LAMB4: variants seen among roughly 807,000 people sequenced by gnomAD.
LAMB4 encodes laminin subunit beta 4.
In LAMB4, 196 loss-of-function variants were observed where a neutral mutation model predicts 199.2. That is an observed-to-expected ratio of 0.98 (90% CI 0.88 to 1.11). The LOEUF is 1.11. Among genes scored for constraint, LAMB4 ranks in the 50% least tolerant of loss-of-function variants. LAMB4 has a pLI of 0.00. For synonymous variants in LAMB4, 744 were observed against 770.6 expected (o/e 0.97, Z 0.57); for missense variants, 2,080 against 2,171.2 (o/e 0.96, Z 0.83).
chr7:108,043,545 G>GTGTTTTTTTTTT (rs2035496985), intron 29 of LAMB4, among the ~76,000 whole-genome samples: 7 of 55,996 alleles, frequency 1.3e-4, no homozygotes, highest in African/African-American at 1.0e-3. Context: ...TGGCTATGAT[G>GTGTTTTTTTTTT]TTTTTTTTTT....
At position 108,123,184 on chromosome 7, in the gene LAMB4, T is replaced by G; in HGVS notation, c.-20A>C. 1 of 1,601,570 alleles carries G rather than the reference T, an allele frequency of 6.2e-7. No individual in the cohort carries two copies. The highest frequency in any genetic ancestry group is 1.1e-5 in the South Asian group (1 of 89,142). On this transcript the variant is annotated 5_prime_UTR_variant, in exon 2 of 34. Coordinates refer to ENST00000388781, the MANE Select transcript of LAMB4 (RefSeq NM_007356.3). ...TTGCATTCTTTTGTCAGGAGATGAT[T>G]AAATTCAATTCTACTGGGTTAAAAA...
the LAMB4 span, among the ~76,000 whole-genome samples, chr7:108,013,179 G>T: frequency 1.3e-5 from 2 of 152,304 alleles, no homozygotes; most frequent in Non-Finnish European, 2.9e-5. Flanking sequence ...AATTGCAAGT[G>T]CCTTGAGAGC....
At chr7:108,107,499 C>T (rs1164348706) in intron 6 of LAMB4, 132 bp downstream of exon 6, 1 of 656,136 alleles carries the variant, frequency 1.5e-6, no homozygotes, top group Non-Finnish European at 2.6e-6. Context: ...TCAGTTTAGA[C>T]ACTTTCATTT....
At position 108,027,177 on chromosome 7, in the gene LAMB4, G is replaced by A. The variant is rs540148381; in HGVS notation, c.5146+1866C>T. Among the ~76,000 whole-genome samples the A allele has an allele frequency of 3.2e-4, 48 of 152,266 alleles. 1 individual carries two copies. Among genetic ancestry groups the A allele is most frequent in the South Asian group, 2.9e-3 (14 of 4,826 alleles). ...TGACTTTCATGGTATTGTCTGACAA[G>A]TGGTCAGAGGATGGGAGGGTGAGCA... On this transcript the variant is annotated intron_variant, in intron 33 of 33. Coordinates refer to ENST00000388781, the MANE Select transcript of LAMB4 (RefSeq NM_007356.3).
Position 108,104,519 on chromosome 7 carries a change from A to G in LAMB4, c.971T>C (p.Leu324Pro), listed in dbSNP as rs760076240. The change falls in exon 9 of 34, where the codon CTC (leucine) becomes CCC (proline). Residue 324 changes from leucine (L) to proline (P), a missense_variant. Transcript: ENST00000388781. Reference protein sequence around the residue: ...QDAPWRPAADLQDNACRSCSC... With the variant: ...QDAPWRPAADPQDNACRSCSC... ...CCCACATCTGCAAGCGTTGTCCTGG[A>G]GGTCTGCAGCTGGCCTCCAAGGAGC... 6.2e-7 allele frequency: 1 copy of G among 1,614,190 alleles called. No homozygotes were observed. Among genetic ancestry groups the G allele is most frequent in the Non-Finnish European group, 8.5e-7 (1 of 1,180,032 alleles).
chr7:108,055,390 T>C (rs1310064400), intron 25 of LAMB4, among the ~76,000 whole-genome samples: 1 of 152,166 alleles, frequency 6.6e-6, no homozygotes, highest in East Asian at 1.9e-4. Flanking sequence ...TTTCTCCATG[T>C]TGGCCAGGCT....
At chr7:108,097,952 A>G (rs1478466471) in intron 11 of LAMB4, among the ~76,000 whole-genome samples, 21 of 152,186 alleles carry the variant, frequency 1.4e-4, no homozygotes, top group Admixed American at 1.4e-3. Flanking sequence ...AACCACAGAG[A>G]AAAGTTCTCC....
intron 28 of LAMB4, among the ~76,000 whole-genome samples, chr7:108,046,229 T>C (rs544275461): frequency 2.4e-3 from 348 of 144,316 alleles, no homozygotes; most frequent in African/African-American, 9.5e-3. Context: ...CCACCACTCC[T>C]GGCTAAATTT....
At chr7:108,123,628 C>T (rs546657023) in intron 1 of LAMB4, among the ~76,000 whole-genome samples, 1 of 152,330 alleles carries the variant, frequency 6.6e-6, no homozygotes, top group East Asian at 1.9e-4. Context: ...GATTGCACCA[C>T]TGCACTCCAG....
rs77198905 is a variant in LAMB4, at chr7:108,056,681, C to G, written c.3380-674G>C. On this transcript the variant is annotated intron_variant, in intron 24 of 33. Transcript: ENST00000388781. ...GCAAGGAACAAGTAATTTAAAAATG[C>G]ATTTGAGGCTGGGTGCAGTGGCTCA... Among the ~76,000 whole-genome samples, 109 of 152,166 alleles carry G rather than the reference C, an allele frequency of 7.2e-4. No homozygotes were observed. In the East Asian group the frequency reaches 0.02, roughly 28 times the overall value.
In LAMB4 at chr7:108,063,881, G is replaced by T. The variant is rs368349951; in HGVS notation, c.2941C>A (p.Pro981Thr). The T allele has an allele frequency of 1.2e-6, 2 of 1,614,176 alleles. No homozygotes were observed. The highest frequency in any genetic ancestry group is 1.7e-6 in the Non-Finnish European group (2 of 1,180,010). Residue 981 changes from proline (P) to threonine (T), a missense_variant, in exon 22 of 34, where the codon CCA becomes ACA. Transcript: ENST00000388781. ...CCTGTTACCCGGCTGCAGGACTCTGGATCGGTTACATCTATGTTGTTGTTG... is the reference window on the plus strand; with the variant it reads ...CCTGTTACCCGGCTGCAGGACTCTGTATCGGTTACATCTATGTTGTTGTTG... Reference protein sequence around the residue: ...ACNNNIDVTDPESCSRVTGEC... With the variant: ...ACNNNIDVTDTESCSRVTGEC...
In LAMB4 at chr7:108,098,565, C is replaced by A; in HGVS notation, c.1198G>T (p.Asp400Tyr). ...YACIPCECDP[D>Y]GTISGGICVS... ...CAAATGCCACCAGATATGGTCCCATCGGGGTCACATTCACAAGCTGGGGAC... is the reference window on the plus strand; with the variant it reads ...CAAATGCCACCAGATATGGTCCCATAGGGGTCACATTCACAAGCTGGGGAC... Residue 400 changes from aspartate (D) to tyrosine (Y), a missense_variant, in exon 11 of 34, where the codon GAT becomes TAT. By Grantham distance (160) the Asp-to-Tyr change is radical. Transcript: ENST00000388781. 6.2e-7 allele frequency: 1 copy of A among 1,602,014 alleles called. No homozygotes were observed. The highest frequency in any genetic ancestry group is 8.5e-7 in the Non-Finnish European group (1 of 1,175,864).
rs564119385 is a variant in LAMB4 at position 108,030,868 on chromosome 7, G to C, written c.4930C>G (p.His1644Asp). ...LQTKLQRHQD[H>D]AVNAKVQAES... The stretch of plus-strand genomic sequence containing the variant: ...GCCTGAACTTTCGCATTGACAGCGT[G>C]GTCTTGATGCCTTTGCAACTTGGTC... Residue 1644 changes from histidine (H) to aspartate (D), a missense_variant, in exon 32 of 34, where the codon CAC becomes GAC. By Grantham distance (81) the His-to-Asp change is moderately conservative. Transcript: ENST00000388781. The C allele has an allele frequency of 6.2e-7, 1 of 1,614,110 alleles. No individual in the cohort carries two copies. The highest frequency in any genetic ancestry group is 8.5e-7 in the Non-Finnish European group (1 of 1,179,998).
intron 9 of LAMB4, 42 bp downstream of exon 9, chr7:108,104,456 GC>G: frequency 6.2e-7 from 1 of 1,610,490 alleles, no homozygotes. Flanking sequence ...ATAAGGAAAT[GC>G]AGAGCACACT....
intron 19 of LAMB4, 39 bp downstream of exon 19, chr7:108,067,977 T>C: frequency 2.2e-5 from 36 of 1,613,490 alleles, no homozygotes; most frequent in Non-Finnish European, 3.0e-5. Context: ...ATGTCAAGAC[T>C]GTGAGCAAGT....
chr7:108,046,682 T>A (rs1244858217), intron 28 of LAMB4, among the ~76,000 whole-genome samples: 22 of 152,110 alleles, frequency 1.4e-4, no homozygotes, highest in Admixed American at 1.4e-3. Context: ...TAGATTTAAT[T>A]ATAAGGTACT....
At chr7:108,124,442 C>CATATAT (rs759239878) in intron 1 of LAMB4, among the ~76,000 whole-genome samples, 7 of 151,728 alleles carry the variant, frequency 4.6e-5, no homozygotes, top group Non-Finnish European at 8.8e-5. Flanking sequence ...TGCATATAAC[C>CATATAT]ATATATGTAT....
intron 17 of LAMB4, among the ~76,000 whole-genome samples, chr7:108,071,020 G>A (rs11976667): frequency 0.14 from 21,489 of 152,104 alleles, 2,349 homozygotes; most frequent in African/African-American, 0.31. Context: ...GGTATTGGGA[G>A]TGGAAGAAGT....
intron 12 of LAMB4, among the ~76,000 whole-genome samples, chr7:108,094,073 G>A (rs955218907): frequency 1.3e-5 from 2 of 152,208 alleles, no homozygotes; most frequent in African/African-American, 4.8e-5. Flanking sequence ...AACCTAGTGG[G>A]TGCATGGGCT....
Sources: allele counts gnomAD v4.1 joint callset (sites outside exome capture counted in the v4.1 genomes callset), GRCh38; gene constraint gnomAD v4.1.1; transcripts MANE v1.5; gene names NCBI Gene and HGNC (gene_info 2026-07-23, HGNC 2026-07-21).